Variants in UGT1A6 observed in about 807,000 individuals in gnomAD.
The protein encoded by UGT1A6 is UDP-glucuronosyltransferase 1A6.
Under a neutral mutation model 44.4 loss-of-function variants are expected in UGT1A6, and 32 were observed. The observed-to-expected ratio is 0.72, with a 90% CI of 0.54 to 0.97. UGT1A6 has a LOEUF of 0.97. UGT1A6 is among the 50% of genes least tolerant of loss of function. The probability of loss-of-function intolerance (pLI) is 0.00; values close to 1 mark genes in which losing one functional copy is unlikely to be tolerated. For missense variants in UGT1A6, 685 were observed against 661.9 expected (o/e 1.03, Z -0.38); for synonymous variants, 238 against 248.5 (o/e 0.96, Z 0.40).
At chr2:233,695,133 T>TC (rs71058573) in intron 1 of UGT1A6, among the ~76,000 whole-genome samples, 10 of 145,970 alleles carry the variant, frequency 6.9e-5, no homozygotes, top group African/African-American at 1.5e-4. Flanking sequence ...TTCTTTTCTT[T>TC]TTTTTTTTTT....
intron 1 of UGT1A6, chr2:233,729,358 A>T: frequency 1.9e-6 from 3 of 1,614,176 alleles, no homozygotes; most frequent in East Asian, 4.5e-5. Context: ...TTTCACCCTG[A>T]CAACCTATGC....
chr2:233,729,112 G>C, intron 1 of UGT1A6: 1 of 1,612,932 alleles, frequency 6.2e-7, no homozygotes, highest in Non-Finnish European at 8.5e-7. Flanking sequence ...TCAGCTGTCC[G>C]TGTCTTCTGC....
At chr2:233,753,902 T>C (rs1695339006) in intron 1 of UGT1A6, among the ~76,000 whole-genome samples, 1 of 152,224 alleles carries the variant, frequency 6.6e-6, no homozygotes, top group African/African-American at 2.4e-5. Context: ...AACATGCTTC[T>C]TACACCGATT....
At chr2:233,752,737 C>A (rs1338142653) in intron 1 of UGT1A6, among the ~76,000 whole-genome samples, 1 of 152,024 alleles carries the variant, frequency 6.6e-6, no homozygotes. Flanking sequence ...AGAGAGAGAC[C>A]CTGTCTCTAA....
chr2:233,760,714 A>G, intron 1 of UGT1A6: 1 of 1,614,210 alleles, frequency 6.2e-7, no homozygotes, highest in Non-Finnish European at 8.5e-7. Flanking sequence ...CCTGGCAGAA[A>G]GCAGCTTTGA....
At chr2:233,696,118 A>G (rs919527983) in intron 1 of UGT1A6, among the ~76,000 whole-genome samples, 1 of 152,248 alleles carries the variant, frequency 6.6e-6, no homozygotes, top group African/African-American at 2.4e-5. Context: ...AAAAAGAACT[A>G]GAACTGCCCC....
chr2:233,751,050 G>A (rs1201577547), intron 1 of UGT1A6, among the ~76,000 whole-genome samples: 3 of 151,910 alleles, frequency 2.0e-5, no homozygotes, highest in Admixed American at 2.0e-4. Context: ...GCCTGGAAAA[G>A]ACACAGACAC....
At chr2:233,748,806 A>C (rs981596738) in intron 1 of UGT1A6, among the ~76,000 whole-genome samples, 1 of 151,326 alleles carries the variant, frequency 6.6e-6, no homozygotes, top group Non-Finnish European at 1.5e-5. Flanking sequence ...AATTATCAAG[A>C]AATTGTGGAA....
At chr2:233,731,419 A>G (rs768089383) in intron 1 of UGT1A6, among the ~76,000 whole-genome samples, 3 of 151,914 alleles carry the variant, frequency 2.0e-5, no homozygotes, top group Non-Finnish European at 4.4e-5. Flanking sequence ...ATTTTTCCTA[A>G]TGCCATCCCT....
At chr2:233,747,932 G>C in intron 1 of UGT1A6, 1 of 1,613,428 alleles carries the variant, frequency 6.2e-7, no homozygotes, top group Non-Finnish European at 8.5e-7. Flanking sequence ...AGCTTTTTCA[G>C]AGGGAGGTGT....
chr2:233,730,114 C>G (rs2125751951), intron 1 of UGT1A6: 1 of 1,562,004 alleles, frequency 6.4e-7, no homozygotes, highest in Admixed American at 1.9e-5. Context: ...TCTGCTTCTC[C>G]TTGTCATAAT....
intron 1 of UGT1A6, chr2:233,754,454 C>T: frequency 5.6e-6 from 2 of 355,014 alleles, no homozygotes; most frequent in Admixed American, 3.8e-5. Context: ...TTCTTGGGTA[C>T]AGCTGTTCTG....
chr2:233,709,930 C>G (rs919576895), intron 1 of UGT1A6, among the ~76,000 whole-genome samples: 1 of 151,902 alleles, frequency 6.6e-6, no homozygotes, highest in African/African-American at 2.4e-5. Context: ...CCTTAGGCAA[C>G]CCTGGATGGT....
At chr2:233,713,308 T>A in intron 1 of UGT1A6, 1 of 1,614,228 alleles carries the variant, frequency 6.2e-7, no homozygotes, top group Non-Finnish European at 8.5e-7. Flanking sequence ...ACAGAACATC[T>A]TCTGATGAAA....
chr2:233,729,476 T>G lies in UGT1A6; in HGVS notation c.861+35611T>G, dbSNP rs780193627. On this transcript the variant is annotated intron_variant, in intron 1 of 4. Coordinates refer to ENST00000305139, the MANE Select transcript of UGT1A6 (RefSeq NM_001072.4). Reference sequence around the variant, plus strand: ...AAATTTTTCAGAAGTATGGCAATGTTGAACAATATGTCTTTGGTCTATCAT... The same window carrying G: ...AAATTTTTCAGAAGTATGGCAATGTGGAACAATATGTCTTTGGTCTATCAT... 12 of 1,614,098 alleles carry G rather than the reference T, an allele frequency of 7.4e-6. No individual in the cohort carries two copies. In the African/African-American group the frequency reaches 1.6e-4, roughly 22 times the overall value.
chr2:233,751,278 T>A (rs932458563), intron 1 of UGT1A6, among the ~76,000 whole-genome samples: 3 of 151,934 alleles, frequency 2.0e-5, no homozygotes, highest in African/African-American at 7.3e-5. Flanking sequence ...TTTTGGCCAG[T>A]TTCTCCCATT....
intron 1 of UGT1A6, among the ~76,000 whole-genome samples, chr2:233,710,674 T>G (rs938811866): frequency 9.9e-5 from 15 of 152,206 alleles, no homozygotes; most frequent in Non-Finnish European, 2.2e-4. Context: ...CAGATAGTTG[T>G]GTTTCTGTTT....
At chr2:233,711,959 T>C (rs999056036) in intron 1 of UGT1A6, among the ~76,000 whole-genome samples, 2 of 152,220 alleles carry the variant, frequency 1.3e-5, no homozygotes, top group African/African-American at 4.8e-5. Context: ...ATTCTCCATT[T>C]TGAAATTTGA....
intron 1 of UGT1A6, among the ~76,000 whole-genome samples, chr2:233,698,662 T>C (rs921935371): frequency 1.3e-5 from 2 of 152,238 alleles, no homozygotes; most frequent in Non-Finnish European, 2.9e-5. Flanking sequence ...TAGGTAACTA[T>C]TGGCCCAACT....
Sources: gnomAD v4.1 joint callset for allele counts (sites outside exome capture counted in the v4.1 genomes callset) on GRCh38, gnomAD v4.1.1 for gene constraint, MANE v1.5 for transcripts, NCBI Gene and HGNC (gene_info 2026-07-23, HGNC 2026-07-21) for gene names.